TBPL1: variants seen among roughly 807,000 people sequenced by gnomAD.
TBPL1 encodes TATA box-binding protein-like 1.
In TBPL1, 4 loss-of-function variants were observed where a neutral mutation model predicts 22.1. That is an observed-to-expected ratio of 0.18 (90% CI 0.09 to 0.41). TBPL1 has a LOEUF of 0.41. Ranked by LOEUF, TBPL1 falls within the 10% of genes least tolerant of loss-of-function variation. The probability of loss-of-function intolerance (pLI) is 1.00; values close to 1 mark genes in which losing one functional copy is unlikely to be tolerated. For synonymous variants in TBPL1, 64 were observed against 71.0 expected, an observed-to-expected ratio of 0.90 and a Z score of 0.50; for missense variants, 115 against 222.3, an observed-to-expected ratio of 0.52 and a Z score of 3.07.
chr6:133,956,425 G>A (rs964973226), intron 1 of TBPL1, among the ~76,000 whole-genome samples: 13 of 152,148 alleles, frequency 8.5e-5, no homozygotes, highest in African/African-American at 2.9e-4. Context: ...AATGACATGT[G>A]TGTAATAAAA....
chr6:133,967,579 A>G (rs1776141291), intron 1 of TBPL1, among the ~76,000 whole-genome samples: 1 of 152,218 alleles, frequency 6.6e-6, no homozygotes, highest in South Asian at 2.1e-4. Flanking sequence ...CACCTGGGCT[A>G]TGTAGTATAG....
At chr6:133,975,877 G>A (rs568402211) in intron 1 of TBPL1, among the ~76,000 whole-genome samples, 8 of 152,262 alleles carry the variant, frequency 5.3e-5, no homozygotes, top group Admixed American at 1.3e-4. Flanking sequence ...TGATAGGTAC[G>A]TAGATGTTCA....
At chr6:133,960,214 A>G (rs1469023765) in intron 1 of TBPL1, among the ~76,000 whole-genome samples, 2 of 152,198 alleles carry the variant, frequency 1.3e-5, no homozygotes, top group East Asian at 3.8e-4. Context: ...ACCATATTGA[A>G]GGCACAATGA....
intron 2 of TBPL1, among the ~76,000 whole-genome samples, chr6:133,980,607 A>G (rs1227417630): frequency 2.0e-5 from 3 of 151,612 alleles, no homozygotes; most frequent in Non-Finnish European, 4.4e-5. Flanking sequence ...CTTAATATAT[A>G]TTATAATTTT....
chr6:133,979,606 T>A (rs1316100742), intron 1 of TBPL1, among the ~76,000 whole-genome samples: 1 of 152,198 alleles, frequency 6.6e-6, no homozygotes, highest in Non-Finnish European at 1.5e-5. Context: ...TCATGTTAGC[T>A]TTTTTAAAAA....
chr6:133,986,844 T>TA (rs1034955037), intron 6 of TBPL1, 117 bp from the exon 7 acceptor site: 4 of 595,990 alleles, frequency 6.7e-6, no homozygotes, highest in African/African-American at 1.9e-5. Context: ...TTCTTTTTTT[T>TA]AACAGTTAAC....
At chr6:133,972,324 A>G (rs1316056979) in intron 1 of TBPL1, among the ~76,000 whole-genome samples, 3 of 152,178 alleles carry the variant, frequency 2.0e-5, no homozygotes, top group African/African-American at 7.2e-5. Context: ...ATTTCTCTCA[A>G]ATATCTTTTA....
chr6:133,984,709 G>T, intron 6 of TBPL1, 38 bp downstream of exon 6: 1 of 1,480,564 alleles, frequency 6.8e-7, no homozygotes, highest in South Asian at 1.1e-5. Flanking sequence ...ATCAATTATG[G>T]ATTGAATGAT....
chr6:133,981,864 C>T (rs1776419032), intron 2 of TBPL1, among the ~76,000 whole-genome samples: 1 of 152,160 alleles, frequency 6.6e-6, no homozygotes, highest in African/African-American at 2.4e-5. Flanking sequence ...GGAGCTTAGT[C>T]CTTGACCTAT....
intron 4 of TBPL1, among the ~76,000 whole-genome samples, chr6:133,983,101 TAA>T (rs1436317817): frequency 6.6e-6 from 1 of 152,226 alleles, no homozygotes; most frequent in Non-Finnish European, 1.5e-5. Context: ...TCCTTTCCCA[TAA>T]AGAGACTTGT....
upstream of TBPL1, chr6:133,953,195 A>G (rs1775864998): frequency 6.5e-6 from 1 of 152,684 alleles, no homozygotes; most frequent in Non-Finnish European, 1.5e-5. Context: ...CGTCTAGTCT[A>G]TTTATTGTCG....
At chr6:133,978,850 A>G (rs1469310554) in intron 1 of TBPL1, among the ~76,000 whole-genome samples, 2 of 152,202 alleles carry the variant, frequency 1.3e-5, no homozygotes, top group Non-Finnish European at 2.9e-5. Context: ...TTGAATCCTT[A>G]TTATAAAGAA....
At chr6:133,976,139 C>G (rs570131778) in intron 1 of TBPL1, among the ~76,000 whole-genome samples, 2 of 152,022 alleles carry the variant, frequency 1.3e-5, no homozygotes, top group Admixed American at 6.6e-5. Flanking sequence ...AAAAAAAGAT[C>G]GTTAACTCTT....
Position 133,956,165 on chromosome 6 carries a change from A to G in TBPL1, c.-45+2740A>G, listed in dbSNP as rs184146790. Among the ~76,000 whole-genome samples the G allele has an allele frequency of 6.3e-3, 959 of 152,334 alleles. 8 individuals carry two copies. The highest frequency in any genetic ancestry group is 0.011 in the Non-Finnish European group (719 of 68,026). On this transcript the variant is annotated intron_variant, in intron 1 of 6. Transcript: ENST00000237264. The stretch of plus-strand genomic sequence containing the variant: ...GACCATGTGATGAAATTATTGCTAT[A>G]AAATATGAACGTTGCAGTTGATTTT...
intron 1 of TBPL1, among the ~76,000 whole-genome samples, chr6:133,966,290 A>C (rs571523420): frequency 4.6e-5 from 7 of 152,310 alleles, no homozygotes; most frequent in African/African-American, 1.7e-4. Flanking sequence ...TCTACCAAGG[A>C]GACTATAAAT....
In TBPL1 at chr6:133,989,969, T is replaced by C. The variant is rs150706203; in HGVS notation, c.*2929T>C. ...ATTAGTAATTTAATATGTTATTTGG[T>C]TCAAGATTTGATTGTGGATTTTCTA... On this transcript the variant is annotated 3_prime_UTR_variant, in exon 7 of 7. Transcript: ENST00000237264. 8.3e-3 allele frequency: 1,261 copies of C among 152,398 alleles called. 34 individuals are homozygous for C. The highest frequency in any genetic ancestry group is 0.061 in the Admixed American group (936 of 15,302). 9.4% of individuals were successfully genotyped at this position (152,398 alleles called of 1,614,324 possible).
At chr6:133,971,973 G>A (rs1776229677) in intron 1 of TBPL1, among the ~76,000 whole-genome samples, 1 of 152,082 alleles carries the variant, frequency 6.6e-6, no homozygotes, top group Non-Finnish European at 1.5e-5. Flanking sequence ...TCGTTAAAAG[G>A]TAAAGCAGTA....
chr6:133,958,279 G>A (rs1291824568), intron 1 of TBPL1, among the ~76,000 whole-genome samples: 1 of 152,200 alleles, frequency 6.6e-6, no homozygotes, highest in Non-Finnish European at 1.5e-5. Flanking sequence ...TTCGTTAGAA[G>A]GCACTATTTT....
At chr6:133,977,777 AG>A (rs201285615) in intron 1 of TBPL1, among the ~76,000 whole-genome samples, 2 of 147,218 alleles carry the variant, frequency 1.4e-5, no homozygotes, top group African/African-American at 5.3e-5. Context: ...TCACAGCGTC[AG>A]GGGCCAGGCT....
Sources: allele counts gnomAD v4.1 joint callset (sites outside exome capture counted in the v4.1 genomes callset), GRCh38; gene constraint gnomAD v4.1.1; transcripts MANE v1.5; gene names NCBI Gene and HGNC (gene_info 2026-07-23, HGNC 2026-07-21).